The following R3HDM1 variants were observed in gnomAD, a reference collection of about 807,000 sequenced individuals.
R3HDM1 encodes the protein R3H domain containing 1, also known as R3H domain-containing protein 1.
A neutral mutation model predicts 141.1 loss-of-function variants in R3HDM1; 46 were observed. The ratio of observed to expected loss-of-function variants is 0.33; its 90% confidence interval spans 0.26 to 0.42. The LOEUF (loss-of-function observed/expected upper bound fraction) is 0.42. Among genes scored for constraint, R3HDM1 ranks in the 10% least tolerant of loss-of-function variants. The pLI, the probability that R3HDM1 is intolerant of heterozygous loss-of-function variation, is 1.00. For synonymous variants in R3HDM1, 435 were observed against 472.9 expected (o/e 0.92, Z 1.04); for missense variants, 1,184 against 1,368.3 (o/e 0.87, Z 2.12).
chr2:135,554,744 C>T (rs1559112333), intron 1 of R3HDM1, among the ~76,000 whole-genome samples: 2 of 152,086 alleles, frequency 1.3e-5, no homozygotes, highest in South Asian at 4.1e-4. Context: ...TGAAAATGGC[C>T]ATTTACAAGC....
chr2:135,702,677 CATGGTGATGT>C (rs2074393532), intron 21 of R3HDM1, among the ~76,000 whole-genome samples: 1 of 148,938 alleles, frequency 6.7e-6, no homozygotes, highest in Non-Finnish European at 1.5e-5. Context: ...AAATATCAGG[CATGGTGATGT>C]GTGCCTGTAA....
chr2:135,537,434 G>A (rs940862027), intron 1 of R3HDM1, among the ~76,000 whole-genome samples: 22 of 150,044 alleles, frequency 1.5e-4, no homozygotes, highest in Admixed American at 7.3e-4. Flanking sequence ...CTATAGTCAC[G>A]AGCCATCATG....
intron 19 of R3HDM1, chr2:135,667,737 C>T (rs1457348886): frequency 3.1e-6 from 3 of 982,578 alleles, no homozygotes; most frequent in Non-Finnish European, 3.6e-6. Context: ...CTTCCTAATC[C>T]TCAGCCTTCT....
intron 1 of R3HDM1, among the ~76,000 whole-genome samples, chr2:135,559,424 T>TA (rs1395073786): frequency 6.6e-6 from 1 of 152,154 alleles, no homozygotes; most frequent in African/African-American, 2.4e-5. Flanking sequence ...GCCCACAAAA[T>TA]ATATTACCTT....
At chr2:135,632,046 A>ATGT in intron 9 of R3HDM1, 45 bp downstream of exon 9, 1 of 1,404,544 alleles carries the variant, frequency 7.1e-7, no homozygotes, top group Non-Finnish European at 9.6e-7. Context: ...TCTAAATAAT[A>ATGT]ATACTTTATC....
chr2:135,622,789 A>G (rs1206432414), intron 7 of R3HDM1, 57 bp downstream of exon 7: 2 of 1,472,852 alleles, frequency 1.4e-6, no homozygotes, highest in East Asian at 2.5e-5. Context: ...ATTTTGCTAT[A>G]TATGTTTTCA....
At chr2:135,643,068 G>A (rs1450708879) in intron 15 of R3HDM1, among the ~76,000 whole-genome samples, 13 of 152,142 alleles carry the variant, frequency 8.5e-5, no homozygotes, top group Non-Finnish European at 1.3e-4. Flanking sequence ...GATAGAGTGA[G>A]AAACTGATTG....
chr2:135,667,668 C>A (rs1473684707), intron 19 of R3HDM1: 1 of 977,064 alleles, frequency 1.0e-6, no homozygotes, highest in Non-Finnish European at 1.2e-6. Context: ...TGGAAATACT[C>A]TTCTTGTAGC....
At chr2:135,702,449 A>G (rs916348499) in intron 21 of R3HDM1, among the ~76,000 whole-genome samples, 1 of 152,058 alleles carries the variant, frequency 6.6e-6, no homozygotes, top group African/African-American at 2.4e-5. Context: ...TCACAAGGTC[A>G]GGAGATCGAG....
At chr2:135,550,936 T>G (rs1699726041) in intron 1 of R3HDM1, among the ~76,000 whole-genome samples, 1 of 152,244 alleles carries the variant, frequency 6.6e-6, no homozygotes, top group South Asian at 2.1e-4. Flanking sequence ...TGTAATGTTC[T>G]TAGAATTGTT....
intron 1 of R3HDM1, chr2:135,550,101 A>G (rs1350542827): frequency 2.0e-6 from 2 of 984,648 alleles, no homozygotes; most frequent in Non-Finnish European, 2.4e-6. Context: ...AGTTTTGTTA[A>G]GTCCATATGA....
chr2:135,587,953 T>C (rs940031111), intron 1 of R3HDM1, among the ~76,000 whole-genome samples: 2 of 152,064 alleles, frequency 1.3e-5, no homozygotes, highest in Non-Finnish European at 2.9e-5. Flanking sequence ...TCTTTCCTAC[T>C]TTGTCTCAGT....
chr2:135,687,375 T>C (rs573294691), intron 21 of R3HDM1, among the ~76,000 whole-genome samples: 1 of 152,328 alleles, frequency 6.6e-6, no homozygotes, highest in South Asian at 2.1e-4. Context: ...TCATATTGTG[T>C]TGTACACTTG....
chr2:135,661,863 G>A (rs2066765830), intron 19 of R3HDM1, among the ~76,000 whole-genome samples: 1 of 152,140 alleles, frequency 6.6e-6, no homozygotes, highest in South Asian at 2.1e-4. Flanking sequence ...GATGTACTTA[G>A]CATATTTTCT....
intron 1 of R3HDM1, among the ~76,000 whole-genome samples, chr2:135,567,422 T>C (rs368509056): frequency 6.6e-6 from 1 of 152,172 alleles, no homozygotes; most frequent in East Asian, 1.9e-4. Flanking sequence ...AGCTTTACTT[T>C]TCACTCCCAA....
intron 3 of R3HDM1, chr2:135,605,307 C>T (rs559322427): frequency 5.5e-6 from 1 of 181,284 alleles, no homozygotes; most frequent in Non-Finnish European, 1.1e-5. Flanking sequence ...GTTTTGAACT[C>T]TCACAGTTAA....
At chr2:135,572,133 G>A (rs1270984274) in intron 1 of R3HDM1, among the ~76,000 whole-genome samples, 1 of 151,800 alleles carries the variant, frequency 6.6e-6, no homozygotes, top group East Asian at 1.9e-4. Flanking sequence ...AATTTTTTTG[G>A]TTTTTGTAGA....
intron 21 of R3HDM1, among the ~76,000 whole-genome samples, chr2:135,699,037 A>AGATT (rs1415750274): frequency 0.045 from 4,457 of 99,878 alleles, 160 homozygotes; most frequent in South Asian, 0.13. Flanking sequence ...ATAGATAGAT[A>AGATT]GATAGATAAG....
At chr2:135,570,059 A>G (rs911352886) in intron 1 of R3HDM1, among the ~76,000 whole-genome samples, 3 of 152,150 alleles carry the variant, frequency 2.0e-5, no homozygotes, top group Non-Finnish European at 4.4e-5. Flanking sequence ...CTCTTGATCC[A>G]TTTGTTGTTT....
Sources: allele counts gnomAD v4.1 joint callset (sites outside exome capture counted in the v4.1 genomes callset), GRCh38; gene constraint gnomAD v4.1.1; transcripts MANE v1.5; gene names NCBI Gene and HGNC (gene_info 2026-07-23, HGNC 2026-07-21).